The following PCSK9 variants were observed in gnomAD, a reference collection of about 807,000 sequenced individuals.
PCSK9 encodes convertase subtilisin/kexin type 9 preproprotein.
A neutral mutation model predicts 62.1 loss-of-function variants in PCSK9; 57 were observed. That is an observed-to-expected ratio of 0.92 (90% CI 0.74 to 1.14). PCSK9 has a LOEUF of 1.14. Ranked by LOEUF, PCSK9 falls within the 50% of genes most tolerant of loss-of-function variation. PCSK9 has a pLI of 0.00. For synonymous variants in PCSK9, 387 were observed against 409.4 expected, an observed-to-expected ratio of 0.95 and a Z score of 0.66; for missense variants, 870 against 959.8, an observed-to-expected ratio of 0.91 and a Z score of 1.24.
Position 55,056,169 on chromosome 1 carries a change from TC to T in PCSK9, c.980del (p.Pro327GlnfsTer20). The T allele has an allele frequency of 7.4e-7, 1 of 1,351,478 alleles. No individual in the cohort carries two copies. The highest frequency in any genetic ancestry group is 2.3e-5 in the Admixed American group (1 of 43,616). 83.7% of individuals were successfully genotyped at this position (1,351,478 alleles called of 1,614,324 possible). A position where few individuals can be genotyped will look rare whatever the true frequency, so the allele number is the denominator to read the frequency against. ...GNFRDDACLY[S>X]PASAPEVITV... is the part of the protein sequence containing the mutation. ...CTTCCGGGACGATGCCTGCCTCTAC[TC>T]CCCAGCCTCAGCTCCCGAGGTAGGT... On this transcript the variant is annotated frameshift_variant, in exon 6 of 12. Coordinates refer to ENST00000302118, the MANE Select transcript of PCSK9 (RefSeq NM_174936.4). LOFTEE classifies it high-confidence loss of function.
chr1:55,050,838 C>G (rs1644667829), intron 3 of PCSK9: 2 of 301,616 alleles, frequency 6.6e-6, no homozygotes, highest in Admixed American at 9.9e-5. Context: ...GTGAGCCAGA[C>G]CTTATTTGGA....
chr1:55,050,392 T>C (rs1237495659), intron 3 of PCSK9, among the ~76,000 whole-genome samples: 1 of 152,196 alleles, frequency 6.6e-6, no homozygotes, highest in Non-Finnish European at 1.5e-5. Context: ...TGTCTTCAGG[T>C]CGGAGCTCAC....
intron 2 of PCSK9, among the ~76,000 whole-genome samples, chr1:55,044,310 G>A (rs570762001): frequency 1.3e-5 from 2 of 152,168 alleles, no homozygotes; most frequent in Non-Finnish European, 2.9e-5. Context: ...GTAGAGCCTG[G>A]ATCAAACCCA....
rs989397020 is a variant in PCSK9 at position 55,063,915 on chromosome 1, T to C, written c.*331T>C. 5 of 396,904 alleles carry C rather than the reference T, an allele frequency of 1.3e-5. No individual in the cohort carries two copies. In the Admixed American group the frequency reaches 1.6e-4, roughly 13 times the overall value. The allele number at this position is 396,904 out of a possible 1,614,324, so 24.6% of individuals were successfully genotyped here. Reference sequence around the variant, plus strand: ...ATGTCCGTGGGCAGAATGACTTTTATTGAGCTCTTGTTCCGTGCCAGGCAT... The same window carrying C: ...ATGTCCGTGGGCAGAATGACTTTTACTGAGCTCTTGTTCCGTGCCAGGCAT... On this transcript the variant is annotated 3_prime_UTR_variant, in exon 12 of 12. Coordinates refer to ENST00000302118, the MANE Select transcript of PCSK9 (RefSeq NM_174936.4).
Position 55,063,731 on chromosome 1 carries a change from C to A in PCSK9, c.*147C>A. 1.0e-6 allele frequency: 1 copy of A among 985,538 alleles called. No individual in the cohort carries two copies. Among genetic ancestry groups the A allele is most frequent in the Non-Finnish European group, 1.5e-6 (1 of 685,442 alleles). The allele number at this position is 985,538 out of a possible 1,614,324, so 61.0% of individuals were successfully genotyped here. A position where few individuals can be genotyped will look rare whatever the true frequency, so the allele number is the denominator to read the frequency against. ...CGCCTTTCCGGGGCTGCTGGCCTGG[C>A]CCTTGAGTGGGGCAGCCTCCTTGCC... On this transcript the variant is annotated 3_prime_UTR_variant, in exon 12 of 12. Coordinates refer to ENST00000302118, the MANE Select transcript of PCSK9 (RefSeq NM_174936.4).
At chr1:55,045,938 G>C (rs763955156) in intron 2 of PCSK9, among the ~76,000 whole-genome samples, 35 of 116,440 alleles carry the variant, frequency 3.0e-4, no homozygotes, top group Non-Finnish European at 5.5e-4. Flanking sequence ...TCGAACTCTC[G>C]ACCTCAGGTG....
Position 55,063,432 on chromosome 1 carries a change from C to G in PCSK9, c.1927C>G (p.His643Asp), listed in dbSNP as rs759818065. 24 of 1,614,016 alleles carry G rather than the reference C, an allele frequency of 1.5e-5. No homozygotes were observed. Among genetic ancestry groups the G allele is most frequent in the Non-Finnish European group, 1.9e-5 (23 of 1,179,974 alleles). The change falls in exon 12 of 12, where the codon CAC becomes GAC. Residue 643 changes from histidine (H) to aspartate (D), a missense_variant. His to Asp is a moderately conservative substitution (Grantham distance 81). Coordinates refer to ENST00000302118, the MANE Select transcript of PCSK9 (RefSeq NM_174936.4). ...CTGCAGTGCCCTCCCTGGGACCTCC[C>G]ACGTCCTGGGGGCCTACGCCGTAGA... ...TGCSALPGTS[H>D]VLGAYAVDNT...
Position 55,061,438 on chromosome 1 carries a change from G to A in PCSK9, c.1745G>A (p.Arg582Gln), listed in dbSNP as rs745333538. ...CACAAGCCGCCTGTGCTGAGGCCAC[G>A]AGGTCAGCCCAACCAGTGCGTGGGC... The part of the protein sequence containing the change: ...GTHKPPVLRP[R>Q]GQPNQCVGHR... The change falls in exon 11 of 12, where the codon CGA becomes CAA. Residue 582 changes from arginine (R) to glutamine (Q), a missense_variant. Arg to Gln is a conservative substitution (Grantham distance 43, BLOSUM62 1). Coordinates refer to ENST00000302118, the MANE Select transcript of PCSK9 (RefSeq NM_174936.4). 9 of 1,610,242 alleles carry A rather than the reference G, an allele frequency of 5.6e-6. No individual in the cohort carries two copies. Among genetic ancestry groups the A allele is most frequent in the South Asian group, 3.3e-5 (3 of 89,680 alleles).
At chr1:55,046,398 C>A (rs1644635037) in intron 2 of PCSK9, 125 bp from the exon 3 acceptor site, 3 of 1,443,180 alleles carry the variant, frequency 2.1e-6, no homozygotes, top group African/African-American at 1.4e-5. Flanking sequence ...CTAGCAGGGA[C>A]AAGGTGGGAG....
intron 1 of PCSK9, among the ~76,000 whole-genome samples, chr1:55,043,445 G>T (rs542900566): frequency 2.0e-5 from 3 of 152,196 alleles, no homozygotes; most frequent in African/African-American, 7.2e-5. Context: ...TCAGGTCCAC[G>T]GTTTCCTGGC....
chr1:55,055,322 C>CG (rs35595930), intron 5 of PCSK9, among the ~76,000 whole-genome samples: 84,458 of 150,856 alleles, frequency 0.56, 24,988 homozygotes, highest in East Asian at 0.76. Context: ...CAGAGAGTGG[C>CG]GGGGGAAGTT....
intron 11 of PCSK9, 151 bp from the exon 12 acceptor site, chr1:55,063,218 A>C: frequency 1.3e-6 from 1 of 779,138 alleles, no homozygotes; most frequent in Non-Finnish European, 2.2e-6. Context: ...GCGGGGTGGG[A>C]GATACACGGT....
intron 5 of PCSK9, 91 bp from the exon 6 acceptor site, chr1:55,055,902 A>C: frequency 3.8e-6 from 5 of 1,301,548 alleles, no homozygotes; most frequent in Non-Finnish European, 5.2e-6. Flanking sequence ...GTTGATCCCC[A>C]AAATTAACCA....
intron 5 of PCSK9, among the ~76,000 whole-genome samples, chr1:55,055,266 G>A (rs1644705484): frequency 6.6e-6 from 1 of 152,204 alleles, no homozygotes; most frequent in African/African-American, 2.4e-5. Flanking sequence ...AGTTTGTGTG[G>A]GTCCAACACT....
At chr1:55,059,347 C>G (rs1350697831) in intron 9 of PCSK9, 139 bp from the exon 10 acceptor site, 1 of 1,099,232 alleles carries the variant, frequency 9.1e-7, no homozygotes, top group East Asian at 2.6e-5. Context: ...GAGTGAGCTC[C>G]TTGTCCCCAG....
rs185581617 is a variant in PCSK9, at chr1:55,045,644, C to T, written c.400-879C>T. On this transcript the variant is annotated intron_variant, in intron 2 of 11. Coordinates refer to ENST00000302118, the MANE Select transcript of PCSK9 (RefSeq NM_174936.4). ...TGTGGGGAATCACCCGAGGGTTCAC[C>T]GCTGCCATGCGCAGGGAGTCAGGAG... 5.7e-3 allele frequency among the ~76,000 whole-genome samples: 859 copies of T among 151,598 alleles called. 5 individuals are homozygous for T. The highest frequency in any genetic ancestry group is 9.1e-3 in the Non-Finnish European group (619 of 67,932).
intron 6 of PCSK9, 64 bp from the exon 7 acceptor site, chr1:55,057,267 A>G: frequency 6.5e-7 from 1 of 1,549,560 alleles, no homozygotes. Context: ...GCAAGGCCTG[A>G]GTCTGCCTCT....
chr1:55,045,486 G>A (rs1293695469), intron 2 of PCSK9, among the ~76,000 whole-genome samples: 7 of 152,204 alleles, frequency 4.6e-5, no homozygotes, highest in Non-Finnish European at 1.0e-4. Flanking sequence ...AGGTTAAGAA[G>A]CCTCTGGGGA....
At chr1:55,050,667 G>A (rs1007420570) in intron 3 of PCSK9, among the ~76,000 whole-genome samples, 9 of 152,148 alleles carry the variant, frequency 5.9e-5, no homozygotes, top group African/African-American at 1.9e-4. Context: ...CTCACAGTTC[G>A]GACTGTGCCC....
Sources: gnomAD v4.1 joint callset for allele counts (sites outside exome capture counted in the v4.1 genomes callset) on GRCh38, gnomAD v4.1.1 for gene constraint, MANE v1.5 for transcripts, NCBI Gene and HGNC (gene_info 2026-07-23, HGNC 2026-07-21) for gene names.